Variants in NCF2 observed in about 807,000 individuals in gnomAD.
NCF2 encodes the protein neutrophil cytosolic factor 2.
In NCF2, 45 loss-of-function variants were observed where a neutral mutation model predicts 70.9. That is an observed-to-expected ratio of 0.63 (90% CI 0.50 to 0.81). The LOEUF (loss-of-function observed/expected upper bound fraction) is 0.81, where lower values mean the gene tolerates loss of function less well. Among genes scored for constraint, NCF2 ranks in the 40% least tolerant of loss-of-function variants. The probability of loss-of-function intolerance (pLI) is 0.00; values close to 1 mark genes in which losing one functional copy is unlikely to be tolerated. For synonymous variants in NCF2, 203 were observed against 233.6 expected (o/e 0.87, Z 1.19); for missense variants, 522 against 631.6 (o/e 0.83, Z 1.86).
intron 14 of NCF2, among the ~76,000 whole-genome samples, chr1:183,557,036 C>T (rs1011287553): frequency 1.3e-5 from 2 of 152,152 alleles, no homozygotes; most frequent in African/African-American, 2.4e-5. Flanking sequence ...ATTTTAATAG[C>T]TCCTACTCAG....
At chr1:183,590,783 G>A (rs1448061955), upstream of NCF2, 1 of 228,708 alleles carries the variant, frequency 4.4e-6, no homozygotes, top group African/African-American at 2.3e-5. Flanking sequence ...TGGTGATAAT[G>A]ACAGGAGGCA....
At chr1:183,560,767 TA>T (rs1303463194) in intron 13 of NCF2, among the ~76,000 whole-genome samples, 2 of 152,214 alleles carry the variant, frequency 1.3e-5, no homozygotes, top group Non-Finnish European at 2.9e-5. Context: ...ACCCCTGGGA[TA>T]AATGAAACCA....
At chr1:183,565,926 G>C in intron 9 of NCF2, 147 bp from the exon 10 acceptor site, 1 of 767,938 alleles carries the variant, frequency 1.3e-6, no homozygotes, top group Non-Finnish European at 2.2e-6. Context: ...TGACATTTGG[G>C]GAAGACGAAG....
chr1:183,574,602 A>G lies in NCF2; in HGVS notation c.386T>C (p.Phe129Ser). The change falls in exon 4 of 15, where the codon TTC becomes TCC. Residue 129 changes from phenylalanine (F) to serine (S), a missense_variant. Transcript: ENST00000367535. Reference protein sequence around the residue: ...FACEVLYNIAFMYAKKEEWKK... With the variant: ...FACEVLYNIASMYAKKEEWKK... ...CCATTCCTCCTTCTTGGCATACATGAAAGCAATGTTATATAACACCTAGAA... is the reference window on the plus strand; with the variant it reads ...CCATTCCTCCTTCTTGGCATACATGGAAGCAATGTTATATAACACCTAGAA... 1 of 1,614,200 alleles carries G rather than the reference A, an allele frequency of 6.2e-7. No homozygotes were observed. Among genetic ancestry groups the G allele is most frequent in the Admixed American group, 1.7e-5 (1 of 60,018 alleles).
Position 183,567,362 on chromosome 1 carries a change from C to G in NCF2, c.714-17G>C, listed in dbSNP as rs1263160201. ...TCCAGAGCCCTGCAGAGGATAGACA[C>G]AAGATCCAGCCCCCATCCCCTCACA... On this transcript the variant is annotated splice_polypyrimidine_tract_variant and intron_variant, in intron 7 of 14. Coordinates refer to ENST00000367535, the MANE Select transcript of NCF2 (RefSeq NM_000433.4). 6.2e-6 allele frequency: 10 copies of G among 1,613,638 alleles called. No homozygotes were observed. The highest frequency in any genetic ancestry group is 1.3e-5 in the African/African-American group (1 of 74,926).
intron 6 of NCF2, 96 bp downstream of exon 6, chr1:183,570,684 C>A (rs1352127391): frequency 2.3e-6 from 3 of 1,320,206 alleles, no homozygotes; most frequent in Non-Finnish European, 2.2e-6. Context: ...GGAGCCCTTA[C>A]AATCAGGCAA....
At chr1:183,562,439 G>A (rs35330145) in intron 13 of NCF2, among the ~76,000 whole-genome samples, 1 of 152,198 alleles carries the variant, frequency 6.6e-6, no homozygotes, top group Non-Finnish European at 1.5e-5. Context: ...CTCAGCCAGA[G>A]ACACCAGGGA....
At chr1:183,594,532 G>A (rs1273532553), upstream of NCF2, among the ~76,000 whole-genome samples, 3 of 151,876 alleles carry the variant, frequency 2.0e-5, no homozygotes, top group African/African-American at 7.3e-5. Context: ...TATTAGTTAT[G>A]GTTTAAAATG....
rs1050501245 is a variant in NCF2 at position 183,590,391 on chromosome 1, G to A, written c.-62C>T. The stretch of plus-strand genomic sequence containing the variant: ...GGAGACAGAGAGAAGACAGGTTGGA[G>A]CGTCTCCCCTAGCAGGGCTGCCTTA... On this transcript the variant is annotated 5_prime_UTR_variant, in exon 1 of 15. Coordinates refer to ENST00000367535, the MANE Select transcript of NCF2 (RefSeq NM_000433.4). 5.6e-6 allele frequency: 9 copies of A among 1,598,328 alleles called. No individual in the cohort carries two copies. In the African/African-American group the frequency reaches 9.4e-5, roughly 17 times the overall value.
intron 2 of NCF2, among the ~76,000 whole-genome samples, chr1:183,584,989 T>C (rs538509883): frequency 6.6e-6 from 1 of 152,336 alleles, no homozygotes; most frequent in African/African-American, 2.4e-5. Context: ...CTTCTCCCAA[T>C]CCCAGGCTCT....
chr1:183,573,606 G>A (rs752593833), intron 4 of NCF2, among the ~76,000 whole-genome samples: 1 of 152,104 alleles, frequency 6.6e-6, no homozygotes, highest in Non-Finnish European at 1.5e-5. Flanking sequence ...GCACCACCAC[G>A]ACAAGGCTGG....
chr1:183,593,911 C>T (rs2102945732), upstream of NCF2, among the ~76,000 whole-genome samples: 1 of 152,208 alleles, frequency 6.6e-6, no homozygotes, highest in African/African-American at 2.4e-5. Context: ...AGATTTCTTC[C>T]CCAGTGATAA....
intron 1 of NCF2, among the ~76,000 whole-genome samples, chr1:183,587,865 C>A (rs1673434307): frequency 6.6e-6 from 1 of 152,048 alleles, no homozygotes; most frequent in Non-Finnish European, 1.5e-5. Context: ...AAATACATAT[C>A]TATATTTAAA....
In NCF2 at chr1:183,586,948, C is replaced by T. The variant is rs1673380756; in HGVS notation, c.204G>A (p.Lys68=). 6.2e-7 allele frequency: 1 copy of T among 1,614,056 alleles called. No individual in the cohort carries two copies. Among genetic ancestry groups the T allele is most frequent in the Admixed American group, 1.7e-5 (1 of 60,006 alleles). ...GTTGGAAGTAAGCCACTGCCAAGTG[C>T]TTGTCTCGGTTAATGCTTCTGGTAA... ...KAFTRSINRD[K]HLAVAYFQRG... The change falls in exon 2 of 15, where the codon AAG becomes AAA. Residue 68 remains lysine (K), a synonymous_variant. Coordinates refer to ENST00000367535, the MANE Select transcript of NCF2 (RefSeq NM_000433.4).
chr1:183,579,390 A>C (rs1672950344), intron 2 of NCF2, among the ~76,000 whole-genome samples: 1 of 152,120 alleles, frequency 6.6e-6, no homozygotes, highest in African/African-American at 2.4e-5. Context: ...AGAAACGGCA[A>C]GTTACCTAGC....
chr1:183,559,793 A>G (rs1232541312), intron 14 of NCF2, among the ~76,000 whole-genome samples: 1 of 151,892 alleles, frequency 6.6e-6, no homozygotes, highest in African/African-American at 2.4e-5. Context: ...CAGGAGGGGG[A>G]GGTTGCAGTG....
intron 13 of NCF2, among the ~76,000 whole-genome samples, chr1:183,562,817 C>G (rs555196083): frequency 1.4e-4 from 20 of 139,778 alleles, no homozygotes; most frequent in Admixed American, 4.3e-4. Context: ...GAGTGAGACT[C>G]CATCTCAAAA....
intron 14 of NCF2, among the ~76,000 whole-genome samples, 185 bp from the exon 15 acceptor site, chr1:183,556,415 G>GTCTT (rs1671783414): frequency 6.6e-6 from 1 of 152,170 alleles, no homozygotes; most frequent in Non-Finnish European, 1.5e-5. Context: ...TTATTGATCT[G>GTCTT]TCTTAAACAT....
At chr1:183,557,254 TTG>T (rs1671832958) in intron 14 of NCF2, among the ~76,000 whole-genome samples, 1 of 152,204 alleles carries the variant, frequency 6.6e-6, no homozygotes, top group African/African-American at 2.4e-5. Flanking sequence ...AAGTTTGTCT[TTG>T]TACATCTAGA....
Sources: allele counts gnomAD v4.1 joint callset (sites outside exome capture counted in the v4.1 genomes callset), GRCh38; gene constraint gnomAD v4.1.1; transcripts MANE v1.5; gene names NCBI Gene and HGNC (gene_info 2026-07-23, HGNC 2026-07-21).